The following PCSK6 variants were observed in gnomAD, a reference collection of about 807,000 sequenced individuals.
PCSK6 encodes proprotein convertase subtilisin/kexin type 6.
Under a neutral mutation model 123.3 loss-of-function variants are expected in PCSK6, and 85 were observed. The observed-to-expected ratio is 0.69, with a 90% confidence interval of 0.58 to 0.83. The LOEUF (loss-of-function observed/expected upper bound fraction) is 0.83. Among genes scored for constraint, PCSK6 ranks in the 40% least tolerant of loss-of-function variants. The probability of loss-of-function intolerance (pLI) is 0.00; values close to 1 mark genes in which losing one functional copy is unlikely to be tolerated. For missense variants in PCSK6, 1,191 were observed against 1,282.3 expected (o/e 0.93, Z 1.09); for synonymous variants, 508 against 516.0 (o/e 0.98, Z 0.21).
chr15:101,384,316 C>T lies in PCSK6; in HGVS notation c.1414+6G>A, dbSNP rs765876680. On this transcript the variant is annotated splice_donor_region_variant and intron_variant, in intron 10 of 21. Coordinates refer to ENST00000611716, the MANE Select transcript of PCSK6 (RefSeq NM_002570.5). The stretch of plus-strand genomic sequence containing the variant: ...CCAATGGTCCACCAGAACGCCACTG[C>T]CGCACCTTTATGACCCGCGCCGTTC... 3 of 1,613,384 alleles carry T rather than the reference C, an allele frequency of 1.9e-6. No homozygotes were observed. The highest frequency in any genetic ancestry group is 1.7e-5 in the Admixed American group (1 of 59,986).
chr15:101,386,844 C>T (rs1426538712), intron 9 of PCSK6, among the ~76,000 whole-genome samples: 1 of 152,232 alleles, frequency 6.6e-6, no homozygotes, highest in Non-Finnish European at 1.5e-5. Flanking sequence ...TCCTGGATAT[C>T]ACCCACAAGT....
chr15:101,482,526 G>C (rs1330655310), intron 1 of PCSK6, among the ~76,000 whole-genome samples: 1 of 152,186 alleles, frequency 6.6e-6, no homozygotes. Context: ...AATCTGTGTA[G>C]AGGCTCAGAG....
At chr15:101,365,311 T>C (rs1378687256) in intron 13 of PCSK6, among the ~76,000 whole-genome samples, 4 of 152,170 alleles carry the variant, frequency 2.6e-5, no homozygotes, top group Admixed American at 1.3e-4. Flanking sequence ...TTTAAAACTT[T>C]TGTGCATCAA....
chr15:101,460,526 G>A, intron 1 of PCSK6, among the ~76,000 whole-genome samples: 1 of 152,206 alleles, frequency 6.6e-6, no homozygotes, highest in East Asian at 1.9e-4. Flanking sequence ...AGTGGAAAGG[G>A]TCTGAGCCAC....
intron 13 of PCSK6, among the ~76,000 whole-genome samples, chr15:101,342,072 G>A (rs866317694): frequency 1.3e-4 from 18 of 136,542 alleles, no homozygotes; most frequent in African/African-American, 4.9e-4. Flanking sequence ...GGAGGTTGCA[G>A]TGAGCTGACA....
chr15:101,323,956 T>C (rs1214685414), intron 17 of PCSK6, among the ~76,000 whole-genome samples: 2 of 152,130 alleles, frequency 1.3e-5, no homozygotes, highest in African/African-American at 2.4e-5. Context: ...AACTATCCCC[T>C]GTCAATTTAA....
intron 18 of PCSK6, among the ~76,000 whole-genome samples, chr15:101,320,881 T>G (rs1317225438): frequency 6.6e-6 from 1 of 152,232 alleles, no homozygotes; most frequent in East Asian, 1.9e-4. Flanking sequence ...AGCTCGTCAG[T>G]GACGGAAGCA....
At position 101,443,550 on chromosome 15, in the gene PCSK6, C is replaced by T. The variant is rs769210490; in HGVS notation, c.402+6G>A. 1.9e-6 allele frequency: 3 copies of T among 1,602,636 alleles called. No individual in the cohort carries two copies. Among genetic ancestry groups the T allele is most frequent in the Admixed American group, 1.7e-5 (1 of 59,996 alleles). ...GCCCTTAGGAAAGCATCCGGACACT[C>T]TGTACCTGGGGGTCCATTCTGAGGA... On this transcript the variant is annotated splice_donor_region_variant and intron_variant, in intron 2 of 21. Coordinates refer to ENST00000611716, the MANE Select transcript of PCSK6 (RefSeq NM_002570.5).
intron 20 of PCSK6, among the ~76,000 whole-genome samples, chr15:101,311,629 T>C: frequency 6.6e-6 from 1 of 151,500 alleles, no homozygotes. Context: ...GGCTAACGCC[T>C]GGTACTTCCC....
intron 17 of PCSK6, among the ~76,000 whole-genome samples, chr15:101,323,556 C>T (rs1446195340): frequency 6.6e-6 from 1 of 152,082 alleles, no homozygotes; most frequent in Non-Finnish European, 1.5e-5. Flanking sequence ...CATGGTGAAA[C>T]CCCATCTCTA....
At chr15:101,351,133 C>T (rs779098053) in intron 13 of PCSK6, among the ~76,000 whole-genome samples, 13 of 152,180 alleles carry the variant, frequency 8.5e-5, no homozygotes, top group Non-Finnish European at 2.9e-5. Flanking sequence ...CTTTTACCAA[C>T]CCGTCTTCAG....
At chr15:101,356,744 A>G (rs924833323) in intron 13 of PCSK6, among the ~76,000 whole-genome samples, 1 of 152,054 alleles carries the variant, frequency 6.6e-6, no homozygotes, top group Non-Finnish European at 1.5e-5. Context: ...GCAGGAATAA[A>G]TGAAGAGCTG....
At chr15:101,408,155 A>C (rs2042834631) in intron 6 of PCSK6, among the ~76,000 whole-genome samples, 1 of 152,190 alleles carries the variant, frequency 6.6e-6, no homozygotes, top group Admixed American at 6.5e-5. Flanking sequence ...CACCACACGC[A>C]AGTACGGCAA....
intron 1 of PCSK6, among the ~76,000 whole-genome samples, chr15:101,459,584 T>C (rs547672938): frequency 5.0e-4 from 43 of 86,078 alleles, no homozygotes; most frequent in South Asian, 2.0e-3. Context: ...TGCACTATCA[T>C]TGGGCTCCCC....
chr15:101,461,253 G>A (rs1429862346), intron 1 of PCSK6, among the ~76,000 whole-genome samples: 2 of 152,122 alleles, frequency 1.3e-5, no homozygotes, highest in Non-Finnish European at 2.9e-5. Flanking sequence ...TCATAATTCT[G>A]AAAACACAGA....
chr15:101,336,431 G>A (rs1233143274), intron 13 of PCSK6, among the ~76,000 whole-genome samples: 2 of 152,164 alleles, frequency 1.3e-5, no homozygotes, highest in South Asian at 2.1e-4. Flanking sequence ...CTCGTCACAC[G>A]TCACATGTCA....
chr15:101,315,070 C>T (rs889906158), intron 19 of PCSK6, among the ~76,000 whole-genome samples: 1 of 152,212 alleles, frequency 6.6e-6, no homozygotes, highest in Non-Finnish European at 1.5e-5. Flanking sequence ...TCCTCCAGCA[C>T]CAGGGTCCTT....
intron 2 of PCSK6, among the ~76,000 whole-genome samples, chr15:101,441,817 A>G (rs1190741751): frequency 6.6e-6 from 1 of 152,216 alleles, no homozygotes; most frequent in Non-Finnish European, 1.5e-5. Context: ...AAAAGACTTC[A>G]GTTGAAGAAT....
chr15:101,435,531 G>A (rs549730834), intron 2 of PCSK6, among the ~76,000 whole-genome samples: 46 of 152,346 alleles, frequency 3.0e-4, no homozygotes, highest in South Asian at 1.9e-3. Context: ...TTTGAAGATA[G>A]AACTTCACTC....
Sources: allele counts gnomAD v4.1 joint callset (sites outside exome capture counted in the v4.1 genomes callset), GRCh38; gene constraint gnomAD v4.1.1; transcripts MANE v1.5; gene names NCBI Gene and HGNC (gene_info 2026-07-23, HGNC 2026-07-21).